The following ADAM10 variants were observed in gnomAD, a reference collection of about 807,000 sequenced individuals.
ADAM10 encodes disintegrin and metalloproteinase domain-containing protein 10.
ADAM10 carries 17 observed loss-of-function variants against 90.1 expected under a neutral mutation model. That is an observed-to-expected ratio of 0.19 (90% confidence interval 0.13 to 0.28). ADAM10 has a LOEUF of 0.28. Ranked by LOEUF, ADAM10 falls within the 10% of genes least tolerant of loss-of-function variation. The pLI, the probability that ADAM10 is intolerant of heterozygous loss-of-function variation, is 1.00. For synonymous variants in ADAM10, 310 were observed against 298.6 expected (o/e 1.04, Z -0.40); for missense variants, 610 against 914.3 (o/e 0.67, Z 4.29).
chr15:58,667,987 T>C (rs941141011), intron 4 of ADAM10, among the ~76,000 whole-genome samples: 4 of 151,970 alleles, frequency 2.6e-5, no homozygotes, highest in Non-Finnish European at 5.9e-5. Context: ...GACCCCACTT[T>C]CCACAAGCAC....
At chr15:58,741,406 C>CAG (rs1899610443) in intron 1 of ADAM10, among the ~76,000 whole-genome samples, 1 of 152,138 alleles carries the variant, frequency 6.6e-6, no homozygotes, top group Non-Finnish European at 1.5e-5. Context: ...AATCCAGCTA[C>CAG]CTAAAGCACT....
intron 2 of ADAM10, chr15:58,691,503 T>G (rs1345505138): frequency 1.7e-6 from 1 of 588,574 alleles, no homozygotes; most frequent in Admixed American, 2.0e-5. Flanking sequence ...AGATGTCATC[T>G]CATCTCCAGA....
rs535190514 is a variant in ADAM10, at chr15:58,643,950, G to A, written c.764C>T (p.Thr255Ile). The change falls in exon 7 of 16, where the codon ACA (threonine) becomes ATA (isoleucine). Residue 255 changes from threonine to isoleucine, a missense_variant. Physicochemically the swap from Thr to Ile is moderately conservative, Grantham distance 89. Around this residue, in one of 4 missense-constraint regions of ADAM10, gnomAD observed 310 missense variants for 362.4 expected, o/e 0.86. Coordinates refer to ENST00000260408, the MANE Select transcript of ADAM10 (RefSeq NM_001110.4). ...QISSHVKAID[T>I]IYQTTDFSGI... is the part of the protein sequence containing the mutation. ...GGAGAAGTCTGTGGTCTGGTAAATT[G>A]TATCAATCGCTTTAACATGACTGGA... The A allele has an allele frequency of 6.2e-7, 1 of 1,612,554 alleles. No individual in the cohort carries two copies.
chr15:58,627,730 G>T lies in ADAM10; in HGVS notation c.1330C>A (p.Leu444Ile). The T allele has an allele frequency of 6.2e-7, 1 of 1,613,116 alleles. No individual in the cohort carries two copies. Among genetic ancestry groups the T allele is most frequent in the Non-Finnish European group, 8.5e-7 (1 of 1,179,366 alleles). ...LCSIRNISQV[L>I]EKKRNNCFVE... ...AAACAGTTGTTTCTCTTCTTCTCAAGAACTTGGCTTATATTTCTAATACTA... is the reference window on the plus strand; with the variant it reads ...AAACAGTTGTTTCTCTTCTTCTCAATAACTTGGCTTATATTTCTAATACTA... The change falls in exon 10 of 16, where the codon CTT (leucine) becomes ATT (isoleucine). Residue 444 changes from leucine (L) to isoleucine (I), a missense_variant. Leu to Ile is a conservative substitution (Grantham distance 5). Around this residue, in one of 4 missense-constraint regions of ADAM10, gnomAD observed 97 missense variants for 221.4 expected, o/e 0.44. Transcript: ENST00000260408.
chr15:58,748,427 C>T (rs1271309445), intron 1 of ADAM10: 1 of 152,328 alleles, frequency 6.6e-6, no homozygotes, highest in Non-Finnish European at 1.5e-5. Context: ...TGGGGCAAGT[C>T]AAAAAGCTTA....
chr15:58,671,847 TC>T (rs1897201009), intron 4 of ADAM10, among the ~76,000 whole-genome samples: 1 of 152,130 alleles, frequency 6.6e-6, no homozygotes, highest in Admixed American at 6.5e-5. Flanking sequence ...GTCTCTATTG[TC>T]ATTAAGTTCT....
chr15:58,646,535 G>C (rs1273079797), intron 5 of ADAM10, among the ~76,000 whole-genome samples: 1 of 152,018 alleles, frequency 6.6e-6, no homozygotes, highest in African/African-American at 2.4e-5. Flanking sequence ...CTACCATCCA[G>C]TTCTGTCAAA....
At chr15:58,747,039 G>C (rs1899814218) in intron 1 of ADAM10, among the ~76,000 whole-genome samples, 1 of 152,174 alleles carries the variant, frequency 6.6e-6, no homozygotes. Context: ...ATTTTTAAAT[G>C]TAAGAGACAT....
chr15:58,656,381 GCCTTCT>G (rs1216161582), intron 5 of ADAM10, among the ~76,000 whole-genome samples: 2 of 151,248 alleles, frequency 1.3e-5, no homozygotes, highest in African/African-American at 4.9e-5. Flanking sequence ...TTGTTTTGCG[GCCTTCT>G]CTTCCTTCTT....
intron 5 of ADAM10, among the ~76,000 whole-genome samples, chr15:58,648,528 T>C (rs574520689): frequency 1.1e-4 from 16 of 152,020 alleles, no homozygotes; most frequent in Non-Finnish European, 1.9e-4. Context: ...AATGTGAAAA[T>C]TCTATTTAAA....
intron 10 of ADAM10, among the ~76,000 whole-genome samples, chr15:58,623,017 AGT>A (rs1482292177): frequency 1.6e-4 from 25 of 152,212 alleles, no homozygotes; most frequent in African/African-American, 6.0e-4. Context: ...CATGGAAAAC[AGT>A]CATTGTACAG....
intron 2 of ADAM10, among the ~76,000 whole-genome samples, chr15:58,685,657 A>C (rs28391588): frequency 0.26 from 38,515 of 149,452 alleles, 6,086 homozygotes; most frequent in East Asian, 0.52. Context: ...ATGTGCATCA[A>C]ATTTCTTGAC....
intron 5 of ADAM10, among the ~76,000 whole-genome samples, chr15:58,651,645 T>G (rs1389556380): frequency 6.6e-6 from 1 of 152,230 alleles, no homozygotes; most frequent in Non-Finnish European, 1.5e-5. Context: ...CACATTTTCT[T>G]TATCCATTCA....
intron 5 of ADAM10, among the ~76,000 whole-genome samples, chr15:58,655,954 C>A (rs1404215391): frequency 6.6e-6 from 1 of 151,194 alleles, no homozygotes. Context: ...GCCATGTTGG[C>A]CAGGCTGGTC....
intron 6 of ADAM10, 56 bp from the exon 7 acceptor site, chr15:58,644,034 A>G: frequency 7.5e-7 from 1 of 1,332,326 alleles, no homozygotes; most frequent in Admixed American, 1.7e-5. Context: ...GAAAAAGATT[A>G]TAAATTTCCA....
intron 1 of ADAM10, among the ~76,000 whole-genome samples, chr15:58,736,576 T>C (rs2140844076): frequency 6.6e-6 from 1 of 152,058 alleles, no homozygotes; most frequent in South Asian, 2.1e-4. Flanking sequence ...GTATTTAGAG[T>C]ACAACTTATT....
Position 58,592,979 on chromosome 15 carries a change from G to A in ADAM10, c.*4568C>T, listed in dbSNP as rs1437842663. On this transcript the variant is annotated 3_prime_UTR_variant, in exon 16 of 16. Transcript: ENST00000260408. ...TGTGGAACCTACATGTCCAAACAAT[G>A]GGAAATTGGTTAAGAAAAAAAAAAA... The A allele has an allele frequency of 6.7e-6, 1 of 149,418 alleles. No homozygotes were observed. Among genetic ancestry groups the A allele is most frequent in the Non-Finnish European group, 1.5e-5 (1 of 67,482 alleles). 9.3% of individuals were successfully genotyped at this position (149,418 alleles called of 1,614,324 possible). A position where few individuals can be genotyped will look rare whatever the true frequency, so the allele number is the denominator to read the frequency against.
chr15:58,700,201 C>T (rs1175987667), intron 2 of ADAM10, among the ~76,000 whole-genome samples: 2 of 152,254 alleles, frequency 1.3e-5, no homozygotes, highest in East Asian at 3.9e-4. Flanking sequence ...ATAAAATTAA[C>T]AAAGAATCAT....
chr15:58,691,676 C>CTTTTTT lies in ADAM10; in HGVS notation c.207-9368_207-9363dup, dbSNP rs71116587. On this transcript the variant is annotated intron_variant, in intron 2 of 15. Coordinates refer to ENST00000260408, the MANE Select transcript of ADAM10 (RefSeq NM_001110.4). Reference sequence around the variant, plus strand: ...AGCTAAGCTCAAGCCACTTCTTCTTCTTTTTTTTTTTTTTTTTTTTTTTTT... The same window carrying CTTTTTT: ...AGCTAAGCTCAAGCCACTTCTTCTTCTTTTTTTTTTTTTTTTTTTTTTTTTTTTTTT... The CTTTTTT allele has an allele frequency of 2.0e-3, 461 of 231,726 alleles. 2 individuals are homozygous for CTTTTTT. The highest frequency in any genetic ancestry group is 6.0e-3 in the African/African-American group (134 of 22,472). The allele number at this position is 231,726 out of a possible 1,614,324, so 14.4% of individuals were successfully genotyped here. A position where few individuals can be genotyped will look rare whatever the true frequency, so the allele number is the denominator to read the frequency against.
Sources: gnomAD v4.1 joint callset for allele counts (sites outside exome capture counted in the v4.1 genomes callset) on GRCh38, gnomAD v4.1.1 for gene constraint, gnomAD v4.1.1 regional missense constraint, MANE v1.5 for transcripts, NCBI Gene and HGNC (gene_info 2026-07-23, HGNC 2026-07-21) for gene names.